The following ATP6V1C1 variants were observed in gnomAD, a reference collection of about 807,000 sequenced individuals.
ATP6V1C1 encodes the protein ATPase H+ transporting V1 subunit C1.
In ATP6V1C1, 45 loss-of-function variants were observed where a neutral mutation model predicts 53.9. That is an observed-to-expected ratio of 0.83 (90% CI 0.66 to 1.07). The LOEUF (loss-of-function observed/expected upper bound fraction) is 1.07, where lower values mean the gene tolerates loss of function less well. ATP6V1C1 is among the 50% of genes least tolerant of loss of function. The probability of loss-of-function intolerance (pLI) is 0.00; values close to 1 mark genes in which losing one functional copy is unlikely to be tolerated. For synonymous variants in ATP6V1C1, 153 were observed against 155.2 expected, an observed-to-expected ratio of 0.99 and a Z score of 0.11; for missense variants, 315 against 440.3, an observed-to-expected ratio of 0.72 and a Z score of 2.55.
chr8:103,059,284 C>T (rs1266913038), intron 8 of ATP6V1C1, among the ~76,000 whole-genome samples: 2 of 152,156 alleles, frequency 1.3e-5, no homozygotes, highest in Non-Finnish European at 2.9e-5. Context: ...GCCTCACCTG[C>T]AGTTTTCGGA....
chr8:103,032,019 CAAAAAACA>C (rs1563601043), intron 1 of ATP6V1C1, among the ~76,000 whole-genome samples: 1 of 149,284 alleles, frequency 6.7e-6, no homozygotes, highest in South Asian at 2.1e-4. Flanking sequence ...AAACAAAAAA[CAAAAAACA>C]AAAAAAACCC....
intron 1 of ATP6V1C1, among the ~76,000 whole-genome samples, chr8:103,023,945 A>G (rs1816651374): frequency 6.6e-6 from 1 of 151,886 alleles, no homozygotes; most frequent in African/African-American, 2.4e-5. Flanking sequence ...AGCACTTTTG[A>G]TGAACTTTTT....
chr8:103,063,079 T>G (rs199836028), intron 9 of ATP6V1C1, 32 bp downstream of exon 9: 3 of 1,612,300 alleles, frequency 1.9e-6, no homozygotes, highest in African/African-American at 2.7e-5. Context: ...TTATTTACTT[T>G]GTTAGATCAG....
chr8:103,022,112 T>A (rs1816607708), intron 1 of ATP6V1C1, among the ~76,000 whole-genome samples: 1 of 152,126 alleles, frequency 6.6e-6, no homozygotes, highest in Admixed American at 6.5e-5. Context: ...AAAAAGAGAA[T>A]GCGAAGTGCT....
intron 8 of ATP6V1C1, among the ~76,000 whole-genome samples, chr8:103,057,033 A>C: frequency 6.6e-6 from 1 of 152,168 alleles, no homozygotes; most frequent in East Asian, 1.9e-4. Flanking sequence ...TGGTGTTTTG[A>C]ACAAAAAATT....
intron 3 of ATP6V1C1, among the ~76,000 whole-genome samples, chr8:103,047,456 ACACACAC>A (rs1468330587): frequency 0.064 from 7,356 of 115,444 alleles, 271 homozygotes; most frequent in Non-Finnish European, 0.089. Flanking sequence ...ACACACACAC[ACACACAC>A]ATTTTTTTTT....
intron 1 of ATP6V1C1, among the ~76,000 whole-genome samples, chr8:103,038,718 C>T (rs1816941881): frequency 6.6e-6 from 1 of 152,042 alleles, no homozygotes; most frequent in Admixed American, 6.5e-5. Flanking sequence ...ATGAAAAAAT[C>T]AGATTGGAAA....
chr8:103,033,130 ACTAAT>A (rs1368166950), intron 1 of ATP6V1C1, among the ~76,000 whole-genome samples: 1 of 152,206 alleles, frequency 6.6e-6, no homozygotes, highest in African/African-American at 2.4e-5. Context: ...ATCAGGCAAA[ACTAAT>A]CTATAGTAAC....
In ATP6V1C1 at chr8:103,072,497, C is replaced by T. The variant is rs1817602641; in HGVS notation, c.*3750C>T. 1 of 152,150 alleles carries T rather than the reference C, an allele frequency of 6.6e-6. No homozygotes were observed. The highest frequency in any genetic ancestry group is 2.1e-4 in the South Asian group (1 of 4,824). The allele number at this position is 152,150 out of a possible 1,614,324, so 9.4% of individuals were successfully genotyped here. A position where few individuals can be genotyped will look rare whatever the true frequency, so the allele number is the denominator to read the frequency against. The stretch of plus-strand genomic sequence containing the variant: ...TAAAAGATGGTTTGTCCTAGAAGGT[C>T]TATAAATGGTATTATGTTCTGGAGG... On this transcript the variant is annotated 3_prime_UTR_variant, in exon 13 of 13. Coordinates refer to ENST00000518738, the MANE Select transcript of ATP6V1C1 (RefSeq NM_001695.5).
At chr8:103,054,091 TA>T (rs1817247419) in intron 7 of ATP6V1C1, 109 bp downstream of exon 7, 6 of 781,846 alleles carry the variant, frequency 7.7e-6, no homozygotes, top group Admixed American at 6.2e-5. Flanking sequence ...AAAAGGAATA[TA>T]ACCTTGCCAT....
At chr8:103,035,639 G>A (rs765022252) in intron 1 of ATP6V1C1, among the ~76,000 whole-genome samples, 3 of 152,162 alleles carry the variant, frequency 2.0e-5, no homozygotes, top group South Asian at 2.1e-4. Context: ...AAGGGCGGCC[G>A]CATGGAAAGG....
chr8:103,071,518 T>C lies in ATP6V1C1; in HGVS notation c.*2771T>C, dbSNP rs1040450164. On this transcript the variant is annotated 3_prime_UTR_variant, in exon 13 of 13. Coordinates refer to ENST00000518738, the MANE Select transcript of ATP6V1C1 (RefSeq NM_001695.5). ...CTGTTGTGTGAATGAGCCAGACACA[T>C]TGCTTAACCTGAGTCCGAGATGGAC... is the stretch of plus-strand genomic sequence containing the variant. 6.6e-6 allele frequency: 1 copy of C among 152,216 alleles called. No homozygotes were observed. The highest frequency in any genetic ancestry group is 2.4e-5 in the African/African-American group (1 of 41,452). 9.4% of individuals were successfully genotyped at this position (152,216 alleles called of 1,614,324 possible).
At chr8:103,037,374 G>T (rs1394783100) in intron 1 of ATP6V1C1, among the ~76,000 whole-genome samples, 2 of 152,090 alleles carry the variant, frequency 1.3e-5, no homozygotes, top group African/African-American at 4.8e-5. Context: ...GAGAGACAGG[G>T]TCTCGCTATG....
Position 103,055,915 on chromosome 8 carries a change from T to TG in ATP6V1C1, c.622dup (p.Val208GlyfsTer6). 6.2e-7 allele frequency: 1 copy of TG among 1,612,088 alleles called. No homozygotes were observed. The highest frequency in any genetic ancestry group is 8.5e-7 in the Non-Finnish European group (1 of 1,178,492). On this transcript the variant is annotated frameshift_variant, in exon 8 of 13. Coordinates refer to ENST00000518738, the MANE Select transcript of ATP6V1C1 (RefSeq NM_001695.5). LOFTEE classifies it high-confidence loss of function. Reference sequence around the variant, plus strand: ...AAGCAGTATGAAACACTAGCCGAAATGGTAGTTCCAAGGTCTAGCAAGTAA... The same window carrying TG: ...AAGCAGTATGAAACACTAGCCGAAATGGGTAGTTCCAAGGTCTAGCAAGTAA...
intron 6 of ATP6V1C1, 97 bp from the exon 7 acceptor site, chr8:103,053,787 A>G (rs1817241767): frequency 2.3e-6 from 2 of 852,006 alleles, no homozygotes; most frequent in East Asian, 2.6e-5. Flanking sequence ...CTCTCAATGT[A>G]TATATAGTAT....
intron 4 of ATP6V1C1, among the ~76,000 whole-genome samples, chr8:103,050,342 G>T (rs1817178487): frequency 6.6e-6 from 1 of 152,192 alleles, no homozygotes; most frequent in African/African-American, 2.4e-5. Context: ...AGATAGAGTT[G>T]CTTTTGGAAA....
intron 1 of ATP6V1C1, among the ~76,000 whole-genome samples, chr8:103,030,767 T>TGG (rs35259661): frequency 6.6e-6 from 1 of 151,634 alleles, no homozygotes; most frequent in Non-Finnish European, 1.5e-5. Flanking sequence ...CAGAAACTTA[T>TGG]GGGGGGGGTC....
chr8:103,061,858 A>G (rs540481172), intron 8 of ATP6V1C1, among the ~76,000 whole-genome samples: 67 of 152,236 alleles, frequency 4.4e-4, no homozygotes, highest in Non-Finnish European at 7.9e-4. Context: ...TGGACCTCAC[A>G]TAAGGACTTC....
intron 3 of ATP6V1C1, among the ~76,000 whole-genome samples, chr8:103,043,829 A>G (rs1223511686): frequency 6.6e-6 from 1 of 152,184 alleles, no homozygotes; most frequent in Non-Finnish European, 1.5e-5. Flanking sequence ...TATGCAAGAG[A>G]TAAATCCCCT....
Sources: allele counts gnomAD v4.1 joint callset (sites outside exome capture counted in the v4.1 genomes callset), GRCh38; gene constraint gnomAD v4.1.1; transcripts MANE v1.5; gene names NCBI Gene and HGNC (gene_info 2026-07-23, HGNC 2026-07-21).